The following RUNX1T1 variants were observed in gnomAD, a reference collection of about 807,000 sequenced individuals.
The protein encoded by RUNX1T1 is RUNX1 partner transcriptional co-repressor 1.
A neutral mutation model predicts 62.8 loss-of-function variants in RUNX1T1; 4 were observed. The observed-to-expected ratio is 0.06, with a 90% CI of 0.03 to 0.15. RUNX1T1 has a LOEUF of 0.15. Among genes scored for constraint, RUNX1T1 ranks in the 10% least tolerant of loss-of-function variants. RUNX1T1 has a pLI of 1.00. For synonymous variants in RUNX1T1, 291 were observed against 286.0 expected, an observed-to-expected ratio of 1.02 and a Z score of -0.18; for missense variants, 508 against 754.3, an observed-to-expected ratio of 0.67 and a Z score of 3.82.
At chr8:92,000,913 C>T (rs1391259744) in intron 5 of RUNX1T1, among the ~76,000 whole-genome samples, 3 of 152,200 alleles carry the variant, frequency 2.0e-5, no homozygotes, top group Non-Finnish European at 2.9e-5. Flanking sequence ...AAATTCTGCA[C>T]ATTAAAACAT....
intron 1 of RUNX1T1, among the ~76,000 whole-genome samples, chr8:92,033,878 A>C (rs2131333702): frequency 6.6e-6 from 1 of 152,232 alleles, no homozygotes; most frequent in Admixed American, 6.5e-5. Flanking sequence ...CTGAGGCAGA[A>C]GAATTGTTTG....
At chr8:91,985,283 C>T (rs1048807388) in intron 8 of RUNX1T1, among the ~76,000 whole-genome samples, 3 of 151,904 alleles carry the variant, frequency 2.0e-5, no homozygotes, top group Non-Finnish European at 2.9e-5. Context: ...ATGACAAAAC[C>T]GTATTATTAA....
At position 92,076,191 on chromosome 8, in the gene RUNX1T1, T is replaced by C. The variant is rs1834393499; in HGVS notation, c.-85-54A>G. 4 of 1,372,898 alleles carry C rather than the reference T, an allele frequency of 2.9e-6. No individual in the cohort carries two copies. The South Asian group carries it at 6.9e-5, about 24-fold the overall frequency. 85.0% of individuals were successfully genotyped at this position (1,372,898 alleles called of 1,614,324 possible). On this transcript the variant is annotated intron_variant, in intron 1 of 11. Coordinates refer to the RUNX1T1 transcript ENST00000265814. Reference sequence around the variant, plus strand: ...TGCATATATCACAACCAGTCTGAAGTATCATACCCATCTGTTTACATGATA... The same window carrying C: ...TGCATATATCACAACCAGTCTGAAGCATCATACCCATCTGTTTACATGATA...
intron 10 of RUNX1T1, among the ~76,000 whole-genome samples, chr8:91,970,337 A>T (rs1385431123): frequency 1.3e-5 from 2 of 152,130 alleles, no homozygotes; most frequent in Non-Finnish European, 2.9e-5. Context: ...AAGCAAGCAT[A>T]CACATATGCA....
intron 4 of RUNX1T1, 91 bp downstream of exon 5, chr8:92,010,911 A>T: frequency 1.5e-6 from 1 of 687,626 alleles, no homozygotes; most frequent in Admixed American, 2.4e-5. Context: ...ATTAAATCAA[A>T]GAGCCCCTAA....
In RUNX1T1 at chr8:92,049,470, G is replaced by A. The variant is rs530390418; in HGVS notation, c.7+13076C>T. Among the ~76,000 whole-genome samples, 80 of 152,234 alleles carry A rather than the reference G, an allele frequency of 5.3e-4. 1 individual carries two copies. The highest frequency in any genetic ancestry group is 1.8e-3 in the African/African-American group (76 of 41,548). ...AAATGTGACTTCTCTCACAGAACATGCAGATGTTAACAGCTCTCTACAGTT... is the reference window on the plus strand; with the variant it reads ...AAATGTGACTTCTCTCACAGAACATACAGATGTTAACAGCTCTCTACAGTT... On this transcript the variant is annotated intron_variant, in intron 1 of 10. Transcript: ENST00000396218.
intron 1 of RUNX1T1, among the ~76,000 whole-genome samples, chr8:92,053,542 A>G (rs900083124): frequency 6.6e-6 from 1 of 152,198 alleles, no homozygotes; most frequent in African/African-American, 2.4e-5. Context: ...AGTAAGTATA[A>G]TCAGGATAAA....
At chr8:92,053,021 A>G (rs972035855) in intron 1 of RUNX1T1, among the ~76,000 whole-genome samples, 2 of 152,220 alleles carry the variant, frequency 1.3e-5, no homozygotes, top group African/African-American at 4.8e-5. Context: ...TTCTTTTAAG[A>G]GATACTGAAA....
chr8:91,964,923 C>T (rs1811262316), intron 10 of RUNX1T1, among the ~76,000 whole-genome samples: 1 of 152,192 alleles, frequency 6.6e-6, no homozygotes, highest in South Asian at 2.1e-4. Flanking sequence ...CCACAAGCCA[C>T]TTACTTAACC....
At chr8:91,994,524 C>T (rs1818313194) in intron 5 of RUNX1T1, 1 of 479,952 alleles carries the variant, frequency 2.1e-6, no homozygotes, top group Non-Finnish European at 4.1e-6. Context: ...GAGCACTGGA[C>T]TGGGAATCAA....
At chr8:92,063,064 A>G (rs1040215757), upstream of RUNX1T1, 26 of 598,992 alleles carry the variant, frequency 4.3e-5, no homozygotes, top group Non-Finnish European at 5.5e-5. Context: ...GCTTCCCTTC[A>G]TCTTCTCATT....
At chr8:92,094,988 A>G in intron 1 of RUNX1T1, 1 of 1,480,746 alleles carries the variant, frequency 6.8e-7, no homozygotes, top group Middle Eastern at 1.7e-4. Flanking sequence ...GACTGGCAAA[A>G]CTAAACCCAA....
chr8:92,033,193 CCTAA>C (rs1220023338), intron 1 of RUNX1T1, among the ~76,000 whole-genome samples: 2 of 152,094 alleles, frequency 1.3e-5, no homozygotes, highest in Admixed American at 1.3e-4. Context: ...CTGGAAACAG[CCTAA>C]CTATTCAACA....
In RUNX1T1 at chr8:91,992,691, C is replaced by T. The variant is rs150756870; in HGVS notation, c.660-802G>A. ...TAGAAGGAAGATCTAGGTCAACCCC[C>T]TTATTTTAAAGTTGAGGAAACACAT... On this transcript the variant is annotated intron_variant, in intron 5 of 10. Transcript: ENST00000396218. Among the ~76,000 whole-genome samples the T allele has an allele frequency of 1.8e-4, 28 of 152,222 alleles. No individual in the cohort carries two copies. The East Asian group carries it at 5.4e-3, about 29-fold the overall frequency.
At chr8:92,039,137 T>C (rs960647291) in intron 1 of RUNX1T1, among the ~76,000 whole-genome samples, 2 of 143,922 alleles carry the variant, frequency 1.4e-5, no homozygotes, top group African/African-American at 5.4e-5. Flanking sequence ...AGGCAATTTT[T>C]GTTGTTGTTT....
upstream of RUNX1T1, among the ~76,000 whole-genome samples, chr8:92,064,625 T>A (rs1832590746): frequency 6.6e-6 from 1 of 152,230 alleles, no homozygotes; most frequent in South Asian, 2.1e-4. Flanking sequence ...CACTGATTTT[T>A]TTTTTAGTAC....
chr8:92,026,989 G>A (rs1292949130), intron 1 of RUNX1T1, among the ~76,000 whole-genome samples: 10 of 150,366 alleles, frequency 6.7e-5, no homozygotes, highest in East Asian at 2.0e-4. Context: ...GGTGGCGCGC[G>A]CCTGTAGTCC....
intron 1 of RUNX1T1, 54 bp from the exon 2 acceptor site, chr8:92,076,191 T>A: frequency 7.3e-7 from 1 of 1,373,016 alleles, no homozygotes; most frequent in Non-Finnish European, 9.5e-7. Context: ...CAGTCTGAAG[T>A]ATCATACCCA....
chr8:91,975,978 G>C lies in RUNX1T1; in HGVS notation c.1199-5C>G, dbSNP rs762729245. The C allele has an allele frequency of 6.2e-7, 1 of 1,608,850 alleles. No individual in the cohort carries two copies. Among genetic ancestry groups the C allele is most frequent in the Non-Finnish European group, 8.5e-7 (1 of 1,175,150 alleles). ...GAAGGAATTCCCGATGCGCGTCTAT[G>C]AAAAGGATGGGAAGGGGGTGGAGAG... On this transcript the variant is annotated splice_region_variant and splice_polypyrimidine_tract_variant and intron_variant, in intron 8 of 10. Transcript: ENST00000396218.
Sources: allele counts gnomAD v4.1 joint callset (sites outside exome capture counted in the v4.1 genomes callset), GRCh38; gene constraint gnomAD v4.1.1; transcripts MANE v1.5; gene names NCBI Gene and HGNC (gene_info 2026-07-23, HGNC 2026-07-21).